The following MAB21L3 variants were observed in gnomAD, a reference collection of about 807,000 sequenced individuals.
The protein encoded by MAB21L3 is mab-21 like 3, also known as protein mab-21-like 3.
MAB21L3 carries 36 observed loss-of-function variants against 37.7 expected under a neutral mutation model. That is an observed-to-expected ratio of 0.96 (90% confidence interval 0.73 to 1.26). MAB21L3 has a LOEUF of 1.26. Ranked by LOEUF, MAB21L3 falls within the 50% of genes most tolerant of loss-of-function variation. The pLI is 0.00. For missense variants in MAB21L3, 430 were observed against 447.3 expected (o/e 0.96, Z 0.35); for synonymous variants, 186 against 176.8 (o/e 1.05, Z -0.41).
chr1:116,127,893 C>T (rs1659954847), intron 6 of MAB21L3, among the ~76,000 whole-genome samples: 1 of 152,074 alleles, frequency 6.6e-6, no homozygotes, highest in African/African-American at 2.4e-5. Context: ...TTTAAGAAGC[C>T]CTCTGGGTGA....
chr1:116,112,383 C>CTT, intron 2 of MAB21L3, 24 bp from the exon 3 acceptor site: 1 of 398,306 alleles, frequency 2.5e-6, no homozygotes, highest in South Asian at 5.1e-5. Flanking sequence ...TTTTTAAATT[C>CTT]TTTTTTTTTT....
intron 3 of MAB21L3, 112 bp from the exon 4 acceptor site, chr1:116,120,820 C>A: frequency 7.3e-7 from 1 of 1,376,656 alleles, no homozygotes; most frequent in South Asian, 1.4e-5. Context: ...GATTTTTGAG[C>A]TGAACTCCCT....
At chr1:116,126,882 T>G (rs1201397915) in intron 5 of MAB21L3, among the ~76,000 whole-genome samples, 1 of 152,170 alleles carries the variant, frequency 6.6e-6, no homozygotes, top group East Asian at 1.9e-4. Flanking sequence ...CATACAACCA[T>G]TCAATGAATT....
At position 116,124,052 on chromosome 1, in the gene MAB21L3, T is replaced by G; in HGVS notation, c.190-14T>G. ...GTGAATTCATGCTTGTTTTCAATCC[T>G]TTCCTGACCCTAGGTTTTGGCTCCC... is the stretch of plus-strand genomic sequence containing the variant. On this transcript the variant is annotated splice_polypyrimidine_tract_variant and intron_variant, in intron 4 of 7. Coordinates refer to ENST00000369500, the MANE Select transcript of MAB21L3 (RefSeq NM_152367.3). The G allele has an allele frequency of 6.3e-7, 1 of 1,583,464 alleles. No homozygotes were observed. Among genetic ancestry groups the G allele is most frequent in the Non-Finnish European group, 8.6e-7 (1 of 1,163,310 alleles).
Position 116,134,679 on chromosome 1 carries a change from T to C in MAB21L3, c.*1314T>C, listed in dbSNP as rs1397648928. On this transcript the variant is annotated 3_prime_UTR_variant, in exon 8 of 8. Transcript: ENST00000369500. ...CACGATCTGACTGCATTTTAAACAA[T>C]TGTTCTGGTAACTGCATGAAGAAGG... The C allele has an allele frequency of 1.3e-5, 2 of 152,208 alleles. No individual in the cohort carries two copies. Among genetic ancestry groups the C allele is most frequent in the African/African-American group, 2.4e-5 (1 of 41,440 alleles). The allele number at this position is 152,208 out of a possible 1,614,324, so 9.4% of individuals were successfully genotyped here. A position where few individuals can be genotyped will look rare whatever the true frequency, so the allele number is the denominator to read the frequency against.
chr1:116,117,053 T>G (rs968816449), intron 3 of MAB21L3, among the ~76,000 whole-genome samples: 1 of 151,712 alleles, frequency 6.6e-6, no homozygotes, highest in African/African-American at 2.4e-5. Flanking sequence ...CATACACACA[T>G]GTACATACAT....
At chr1:116,121,161 A>G (rs573117501) in intron 4 of MAB21L3, 89 bp downstream of exon 4, 2 of 1,207,648 alleles carry the variant, frequency 1.7e-6, no homozygotes, top group Non-Finnish European at 2.3e-6. Flanking sequence ...TGCTTGCCTC[A>G]CTCAGAATAC....
chr1:116,122,571 G>T (rs1039204581), intron 4 of MAB21L3, among the ~76,000 whole-genome samples: 1 of 152,056 alleles, frequency 6.6e-6, no homozygotes, highest in African/African-American at 2.4e-5. Flanking sequence ...TTTTTTGCCT[G>T]TTTTTTAAAG....
intron 6 of MAB21L3, among the ~76,000 whole-genome samples, 187 bp downstream of exon 6, chr1:116,127,831 C>T (rs541206950): frequency 1.3e-5 from 2 of 152,316 alleles, no homozygotes; most frequent in East Asian, 1.9e-4. Context: ...CCCGAGCCCC[C>T]ACTCTGGACC....
Position 116,111,747 on chromosome 1 carries a change from C to T in MAB21L3, c.-273C>T, listed in dbSNP as rs1659429211. 6.6e-6 allele frequency: 1 copy of T among 152,048 alleles called. No individual in the cohort carries two copies. The highest frequency in any genetic ancestry group is 1.5e-5 in the Non-Finnish European group (1 of 68,036). The allele number at this position is 152,048 out of a possible 1,614,324, so 9.4% of individuals were successfully genotyped here. ...TCGACTCTAAAGGGACCTGTTTACA[C>T]TGACTTTATTTTTACTGCCAGCTTT... On this transcript the variant is annotated 5_prime_UTR_variant, in exon 2 of 8. Coordinates refer to ENST00000369500, the MANE Select transcript of MAB21L3 (RefSeq NM_152367.3).
chr1:116,124,213 T>G lies in MAB21L3; in HGVS notation c.337T>G (p.Trp113Gly). The G allele has an allele frequency of 6.2e-7, 1 of 1,614,170 alleles. No homozygotes were observed. Among genetic ancestry groups the G allele is most frequent in the Non-Finnish European group, 8.5e-7 (1 of 1,180,020 alleles). The change falls in exon 5 of 8, where the codon TGG becomes GGG. Residue 113 changes from tryptophan to glycine, a missense_variant. Transcript: ENST00000369500. ...PLRDPEGLQQ[W>G]LEVEQFMKSL... Reference sequence around the variant, plus strand: ...GCGGGACCCTGAGGGTCTGCAGCAGTGGCTGGAGGTGGAACAGTTTATGAA... The same window carrying G: ...GCGGGACCCTGAGGGTCTGCAGCAGGGGCTGGAGGTGGAACAGTTTATGAA...
At chr1:116,119,475 CTT>C (rs1288009766) in intron 3 of MAB21L3, among the ~76,000 whole-genome samples, 4 of 151,622 alleles carry the variant, frequency 2.6e-5, no homozygotes, top group Admixed American at 2.6e-4. Context: ...TTGACTTGGA[CTT>C]TTTTTTTCTG....
chr1:116,126,649 G>C (rs1312236410), intron 5 of MAB21L3, among the ~76,000 whole-genome samples: 5 of 151,782 alleles, frequency 3.3e-5, no homozygotes, highest in Non-Finnish European at 7.4e-5. Context: ...AGGTGAAGAG[G>C]GAAAAAAAAT....
In MAB21L3 at chr1:116,136,323, A is replaced by T. The variant is rs1215050621; in HGVS notation, c.*2958A>T. On this transcript the variant is annotated 3_prime_UTR_variant, in exon 8 of 8. Coordinates refer to ENST00000369500, the MANE Select transcript of MAB21L3 (RefSeq NM_152367.3). ...AAGTACAAAAATCACAAGCATTCTT[A>T]TACACCAATAACAGACAGAGAGCCA... 6.6e-6 allele frequency among the ~76,000 whole-genome samples: 1 copy of T among 152,212 alleles called. No homozygotes were observed. The highest frequency in any genetic ancestry group is 1.5e-5 in the Non-Finnish European group (1 of 68,038).
intron 7 of MAB21L3, among the ~76,000 whole-genome samples, chr1:116,129,534 C>T (rs1660011607): frequency 1.3e-5 from 2 of 152,210 alleles, no homozygotes; most frequent in Non-Finnish European, 2.9e-5. Flanking sequence ...ATACCTCTTC[C>T]TTCTCTCATT....
chr1:116,119,683 G>A (rs775564561), intron 3 of MAB21L3, among the ~76,000 whole-genome samples: 11 of 152,120 alleles, frequency 7.2e-5, no homozygotes, highest in Non-Finnish European at 1.0e-4. Context: ...CAGCTTGTAG[G>A]TGCCTCCTGA....
chr1:116,135,338 T>C lies in MAB21L3; in HGVS notation c.*1973T>C, dbSNP rs951744901. 4.6e-5 allele frequency: 7 copies of C among 152,092 alleles called. No homozygotes were observed. The highest frequency in any genetic ancestry group is 5.9e-5 in the Non-Finnish European group (4 of 68,032). The allele number at this position is 152,092 out of a possible 1,614,324, so 9.4% of individuals were successfully genotyped here. A position where few individuals can be genotyped will look rare whatever the true frequency, so the allele number is the denominator to read the frequency against. On this transcript the variant is annotated 3_prime_UTR_variant, in exon 8 of 8. Transcript: ENST00000369500. ...AGAAATACAAACTACCATCAGAGAATACTACAAACTCCTCTACGCAAATAA... is the reference window on the plus strand; with the variant it reads ...AGAAATACAAACTACCATCAGAGAACACTACAAACTCCTCTACGCAAATAA...
chr1:116,118,367 C>T (rs957001822), intron 3 of MAB21L3, among the ~76,000 whole-genome samples: 18 of 145,606 alleles, frequency 1.2e-4, no homozygotes, highest in African/African-American at 4.6e-4. Flanking sequence ...GGCGACAGAG[C>T]GAGAATCCAT....
rs944161066 is a variant in MAB21L3 at position 116,134,226 on chromosome 1, G to A, written c.*861G>A. Reference sequence around the variant, plus strand: ...AACCTAGTACTATGATCTGCATGGAGTGACCTTAGGTGTCTGTCACTGCTC... The same window carrying A: ...AACCTAGTACTATGATCTGCATGGAATGACCTTAGGTGTCTGTCACTGCTC... On this transcript the variant is annotated 3_prime_UTR_variant, in exon 8 of 8. Transcript: ENST00000369500. The A allele has an allele frequency of 6.6e-6, 1 of 152,238 alleles. No homozygotes were observed. Among genetic ancestry groups the A allele is most frequent in the African/African-American group, 2.4e-5 (1 of 41,458 alleles). The allele number at this position is 152,238 out of a possible 1,614,324, so 9.4% of individuals were successfully genotyped here. A position where few individuals can be genotyped will look rare whatever the true frequency, so the allele number is the denominator to read the frequency against.
Sources: gnomAD v4.1 joint callset for allele counts (sites outside exome capture counted in the v4.1 genomes callset) on GRCh38, gnomAD v4.1.1 for gene constraint, MANE v1.5 for transcripts, NCBI Gene and HGNC (gene_info 2026-07-23, HGNC 2026-07-21) for gene names.